TAF3: variants seen among roughly 807,000 people sequenced by gnomAD.
TAF3 encodes the protein transcription initiation factor TFIID subunit 3.
A neutral mutation model predicts 80.6 loss-of-function variants in TAF3; 7 were observed. The observed-to-expected ratio is 0.09, with a 90% CI of 0.05 to 0.16. TAF3 has a LOEUF of 0.16. Among genes scored for constraint, TAF3 ranks in the 10% least tolerant of loss-of-function variants. The pLI, the probability that TAF3 is intolerant of heterozygous loss-of-function variation, is 1.00. For missense variants in TAF3, 921 were observed against 1,140.2 expected (o/e 0.81, Z 2.77); for synonymous variants, 444 against 446.1 (o/e 1.00, Z 0.06).
rs778562066 is a variant in TAF3 at position 7,965,568 on chromosome 10, G to A, written c.2058G>A (p.Pro686=). The A allele has an allele frequency of 3.5e-5, 56 of 1,597,990 alleles. No individual in the cohort carries two copies. The highest frequency in any genetic ancestry group is 4.6e-5 in the Non-Finnish European group (54 of 1,175,984). The change falls in exon 3 of 7, where the codon CCG becomes CCA. Residue 686 remains proline (P), a synonymous_variant. Transcript: ENST00000344293. ...TGCCATCTTTGTTGCCAGTGCTTCC[G>A]GAAAAACTGTTTGAGGAGAAAGAGA... The part of the protein sequence containing the change: ...AMLPSLLPVL[P]EKLFEEKEKV...
chr10:7,944,160 A>C (rs1838003162), intron 2 of TAF3, among the ~76,000 whole-genome samples: 1 of 150,920 alleles, frequency 6.6e-6, no homozygotes, highest in Non-Finnish European at 1.5e-5. Flanking sequence ...GAAAAGGTAG[A>C]TGAAAAACTA....
At chr10:7,936,065 G>T (rs75508103) in intron 2 of TAF3, among the ~76,000 whole-genome samples, 1 of 152,092 alleles carries the variant, frequency 6.6e-6, no homozygotes, top group Non-Finnish European at 1.5e-5. Flanking sequence ...CTGGACTAGT[G>T]TGATTGTATC....
chr10:7,972,876 C>G (rs1831634452), intron 3 of TAF3, among the ~76,000 whole-genome samples: 1 of 152,174 alleles, frequency 6.6e-6, no homozygotes, highest in African/African-American at 2.4e-5. Flanking sequence ...AAATTTACAA[C>G]TAACCCCAGC....
intron 2 of TAF3, among the ~76,000 whole-genome samples, chr10:7,923,715 C>T (rs1837788446): frequency 1.3e-5 from 2 of 151,174 alleles, no homozygotes; most frequent in Admixed American, 1.3e-4. Context: ...TGCTTTTAAA[C>T]ACAAAAAAAA....
At chr10:7,824,631 G>A in intron 2 of TAF3, 71 bp downstream of exon 2, 2 of 1,512,932 alleles carry the variant, frequency 1.3e-6, no homozygotes, top group South Asian at 1.3e-5. Flanking sequence ...AGCTTTCCAT[G>A]CTATGTCAAC....
intron 4 of TAF3, among the ~76,000 whole-genome samples, chr10:8,000,645 G>A (rs1831935129): frequency 1.3e-5 from 2 of 152,072 alleles, no homozygotes. Context: ...CAGGCATGGT[G>A]GCACGCACCT....
chr10:7,926,888 A>G (rs965296873), intron 2 of TAF3, among the ~76,000 whole-genome samples: 1 of 152,194 alleles, frequency 6.6e-6, no homozygotes, highest in Admixed American at 6.5e-5. Context: ...TAGTATTAAC[A>G]ATGTCAGAGA....
rs576017091 is a variant in TAF3 at position 7,920,861 on chromosome 10, A to G, written c.410-43059A>G. On this transcript the variant is annotated intron_variant, in intron 2 of 6. Transcript: ENST00000344293. ...AAAGTTAATAATTTTTTTAACAGTG[A>G]TTTATACTGTAGCTAAAAAGCTGTT... 2.8e-4 allele frequency among the ~76,000 whole-genome samples: 42 copies of G among 152,216 alleles called. 1 individual carries two copies. The highest frequency in any genetic ancestry group is 4.9e-4 in the Non-Finnish European group (33 of 68,030).
At chr10:7,858,417 G>A (rs993538043) in intron 2 of TAF3, among the ~76,000 whole-genome samples, 1 of 152,120 alleles carries the variant, frequency 6.6e-6, no homozygotes, top group African/African-American at 2.4e-5. Context: ...TGATACAATC[G>A]TTTATGTCAG....
intron 3 of TAF3, 29 bp from the exon 4 acceptor site, chr10:7,977,212 A>G: frequency 6.2e-7 from 1 of 1,611,014 alleles, no homozygotes; most frequent in Non-Finnish European, 8.5e-7. Flanking sequence ...GAAAAACCAT[A>G]TTGAACTTTA....
intron 2 of TAF3, among the ~76,000 whole-genome samples, chr10:7,835,445 G>C (rs1363506786): frequency 6.6e-6 from 1 of 152,100 alleles, no homozygotes; most frequent in Non-Finnish European, 1.5e-5. Flanking sequence ...GAGATTTTTT[G>C]TTTGTTTTCC....
At chr10:7,962,619 A>C (rs7922353) in intron 2 of TAF3, among the ~76,000 whole-genome samples, 104,557 of 152,000 alleles carry the variant, frequency 0.69, 36,236 homozygotes, top group Middle Eastern at 0.79. Flanking sequence ...ACCTTCATCT[A>C]TTTGTCATCT....
intron 2 of TAF3, among the ~76,000 whole-genome samples, chr10:7,851,192 A>G (rs1038915052): frequency 6.6e-6 from 1 of 152,242 alleles, no homozygotes; most frequent in African/African-American, 2.4e-5. Context: ...AAAATATGCT[A>G]GTCAGGGGAA....
intron 2 of TAF3, among the ~76,000 whole-genome samples, chr10:7,909,987 G>A (rs1451752213): frequency 2.6e-5 from 4 of 152,092 alleles, no homozygotes; most frequent in Admixed American, 1.3e-4. Flanking sequence ...ACTTGAAATC[G>A]TCTCCAGGTT....
chr10:7,876,882 G>T (rs1266788846), intron 2 of TAF3, among the ~76,000 whole-genome samples: 1 of 152,090 alleles, frequency 6.6e-6, no homozygotes, highest in African/African-American at 2.4e-5. Context: ...TCTTGTACTA[G>T]AAATAGGACA....
intron 2 of TAF3, among the ~76,000 whole-genome samples, chr10:7,948,813 A>C (rs2131401850): frequency 6.6e-6 from 1 of 152,316 alleles, no homozygotes; most frequent in Admixed American, 6.5e-5. Context: ...GAGTCACCCT[A>C]AATTTGTTTT....
intron 2 of TAF3, among the ~76,000 whole-genome samples, chr10:7,831,727 C>T (rs1201013918): frequency 2.6e-5 from 4 of 152,090 alleles, no homozygotes; most frequent in Non-Finnish European, 5.9e-5. Context: ...CTTCTGAGTC[C>T]TTTTGACACA....
At chr10:7,989,138 C>T (rs1199927586) in intron 4 of TAF3, among the ~76,000 whole-genome samples, 1 of 152,170 alleles carries the variant, frequency 6.6e-6, no homozygotes, top group Non-Finnish European at 1.5e-5. Flanking sequence ...CTGGAAGTCC[C>T]AGAGCAAGCT....
At chr10:7,937,012 T>C (rs1837928324) in intron 2 of TAF3, among the ~76,000 whole-genome samples, 1 of 152,228 alleles carries the variant, frequency 6.6e-6, no homozygotes, top group Non-Finnish European at 1.5e-5. Context: ...TTTTTATGGC[T>C]TTATACTTCA....
Sources: gnomAD v4.1 joint callset for allele counts (sites outside exome capture counted in the v4.1 genomes callset) on GRCh38, gnomAD v4.1.1 for gene constraint, MANE v1.5 for transcripts, NCBI Gene and HGNC (gene_info 2026-07-23, HGNC 2026-07-21) for gene names.